Variants in SHROOM3 observed in about 807,000 individuals in gnomAD.
SHROOM3 encodes protein Shroom3.
SHROOM3 carries 47 observed loss-of-function variants against 138.6 expected under a neutral mutation model. That is an observed-to-expected ratio of 0.34 (90% CI 0.27 to 0.43). The LOEUF is 0.43. SHROOM3 is among the 20% of genes least tolerant of loss of function. SHROOM3 has a pLI of 1.00. For synonymous variants in SHROOM3, 1,062 were observed against 1,063.3 expected, an observed-to-expected ratio of 1.00 and a Z score of 0.02; for missense variants, 2,491 against 2,596.5, an observed-to-expected ratio of 0.96 and a Z score of 0.88.
chr4:76,495,589 T>G (rs1336269392), intron 1 of SHROOM3, among the ~76,000 whole-genome samples: 1 of 152,238 alleles, frequency 6.6e-6, no homozygotes, highest in African/African-American at 2.4e-5. Context: ...TCGCTTGTAA[T>G]GAATCCCTGT....
chr4:76,450,461 C>T (rs1730903999), intron 1 of SHROOM3, among the ~76,000 whole-genome samples: 2 of 152,088 alleles, frequency 1.3e-5, no homozygotes, highest in Non-Finnish European at 2.9e-5. Context: ...TCATTGTTCA[C>T]AATTTTTCAT....
intron 2 of SHROOM3, among the ~76,000 whole-genome samples, chr4:76,584,992 T>C (rs988653808): frequency 3.0e-4 from 46 of 152,288 alleles, no homozygotes; most frequent in African/African-American, 1.1e-3. Context: ...AGATTTCACA[T>C]TATAGAGATA....
At chr4:76,615,489 T>C (rs562876022) in intron 2 of SHROOM3, among the ~76,000 whole-genome samples, 84 of 152,330 alleles carry the variant, frequency 5.5e-4, no homozygotes, top group Non-Finnish European at 1.1e-3. Flanking sequence ...CCATTTATCA[T>C]GGTGTTTACA....
intron 2 of SHROOM3, among the ~76,000 whole-genome samples, chr4:76,683,564 C>A (rs1455739201): frequency 2.7e-5 from 4 of 150,402 alleles, no homozygotes. Flanking sequence ...ACCTTTTTTT[C>A]TTTCTTTCTC....
intron 5 of SHROOM3, among the ~76,000 whole-genome samples, chr4:76,746,475 C>T (rs180937782): frequency 1.3e-5 from 2 of 152,238 alleles, no homozygotes; most frequent in African/African-American, 4.8e-5. Context: ...TAGGCCTATA[C>T]CATATAGCCT....
At position 76,708,541 on chromosome 4, in the gene SHROOM3, GTCCC is replaced by G. The variant is rs568154523; in HGVS notation, c.324-1610_324-1607del. Among the ~76,000 whole-genome samples, 506 of 152,308 alleles carry G rather than the reference GTCCC, an allele frequency of 3.3e-3. 1 individual carries two copies. Among genetic ancestry groups the G allele is most frequent in the Non-Finnish European group, 5.2e-3 (355 of 68,018 alleles). On this transcript the variant is annotated intron_variant, in intron 2 of 10. Coordinates refer to ENST00000296043, the MANE Select transcript of SHROOM3 (RefSeq NM_020859.4). ...TCTAAAGGGGTCCTGAAAAGGAAAA[GTCCC>G]TCCCCTGGTTATACCAATGGGTGGT...
intron 9 of SHROOM3, among the ~76,000 whole-genome samples, chr4:76,762,690 C>A (rs1474666592): frequency 2.6e-5 from 4 of 152,224 alleles, no homozygotes; most frequent in Admixed American, 2.0e-4. Context: ...TTAGTGAGAA[C>A]ACACCTTCTC....
At chr4:76,624,585 G>A (rs1363473220) in intron 2 of SHROOM3, among the ~76,000 whole-genome samples, 1 of 152,092 alleles carries the variant, frequency 6.6e-6, no homozygotes, top group African/African-American at 2.4e-5. Context: ...ACCACTACAC[G>A]TGAATACTGG....
At chr4:76,592,520 T>A (rs1001594583) in intron 2 of SHROOM3, among the ~76,000 whole-genome samples, 1 of 152,206 alleles carries the variant, frequency 6.6e-6, no homozygotes, top group Non-Finnish European at 1.5e-5. Flanking sequence ...TTGTTTCTTA[T>A]GAGAATTAAA....
At chr4:76,439,981 ATGCTCAGGTAATT>A (rs1730635810) in intron 1 of SHROOM3, among the ~76,000 whole-genome samples, 1 of 152,228 alleles carries the variant, frequency 6.6e-6, no homozygotes, top group Non-Finnish European at 1.5e-5. Context: ...TTGTAAGTGG[ATGCTCAGGTAATT>A]CAATAGTCCA....
rs1030204933 is a variant in SHROOM3 at position 76,446,070 on chromosome 4, C to T, written c.168+9850C>T. 2.0e-5 allele frequency among the ~76,000 whole-genome samples: 3 copies of T among 152,028 alleles called. No individual in the cohort carries two copies. The East Asian group carries it at 5.8e-4, about 29-fold the overall frequency. On this transcript the variant is annotated intron_variant, in intron 1 of 10. Transcript: ENST00000296043. Reference sequence around the variant, plus strand: ...AGACTTCCTGGGTTGCTTTTATCACCGTACTGTCAGTAACTTGACTGAGGT... The same window carrying T: ...AGACTTCCTGGGTTGCTTTTATCACTGTACTGTCAGTAACTTGACTGAGGT...
At chr4:76,522,130 G>A (rs1318261638) in intron 1 of SHROOM3, among the ~76,000 whole-genome samples, 1 of 149,534 alleles carries the variant, frequency 6.7e-6, no homozygotes, top group Non-Finnish European at 1.5e-5. Flanking sequence ...ATTAAATACA[G>A]TGAATGATCC....
chr4:76,586,536 C>A, intron 2 of SHROOM3: 1 of 941,170 alleles, frequency 1.1e-6, no homozygotes, highest in Non-Finnish European at 1.3e-6. Flanking sequence ...GCAGAAATGC[C>A]AGCATTGGGA....
At chr4:76,606,007 A>ATATAT (rs1734611107) in intron 2 of SHROOM3, among the ~76,000 whole-genome samples, 1 of 77,822 alleles carries the variant, frequency 1.3e-5, no homozygotes, top group African/African-American at 5.2e-5. Context: ...ATATATATAT[A>ATATAT]TTTTTTTTTT....
chr4:76,480,872 C>G (rs371338782), intron 1 of SHROOM3, among the ~76,000 whole-genome samples: 4 of 152,142 alleles, frequency 2.6e-5, no homozygotes, highest in African/African-American at 9.7e-5. Flanking sequence ...ACAACCTGCT[C>G]CTGAATGACT....
chr4:76,568,943 C>T (rs1375064350), intron 2 of SHROOM3, among the ~76,000 whole-genome samples: 10 of 152,180 alleles, frequency 6.6e-5, no homozygotes, highest in African/African-American at 2.4e-4. Flanking sequence ...GACAACCATC[C>T]ACACTTCATA....
chr4:76,759,316 A>T (rs1389427381), intron 8 of SHROOM3, among the ~76,000 whole-genome samples: 1 of 152,234 alleles, frequency 6.6e-6, no homozygotes, highest in East Asian at 1.9e-4. Flanking sequence ...CTTGACTCCC[A>T]CTGTCATCCC....
intron 1 of SHROOM3, among the ~76,000 whole-genome samples, chr4:76,485,619 G>A (rs1731713257): frequency 6.6e-6 from 1 of 152,162 alleles, no homozygotes; most frequent in South Asian, 2.1e-4. Flanking sequence ...ATTAAAGGCA[G>A]CGCCTTTACA....
intron 2 of SHROOM3, among the ~76,000 whole-genome samples, chr4:76,659,386 G>C (rs1395845291): frequency 6.6e-6 from 1 of 152,102 alleles, no homozygotes; most frequent in Non-Finnish European, 1.5e-5. Flanking sequence ...AGCCATCTGG[G>C]CTCCTTTGGA....
Sources: gnomAD v4.1 joint callset for allele counts (sites outside exome capture counted in the v4.1 genomes callset) on GRCh38, gnomAD v4.1.1 for gene constraint, MANE v1.5 for transcripts, NCBI Gene and HGNC (gene_info 2026-07-23, HGNC 2026-07-21) for gene names.